ULK4: variants seen among roughly 807,000 people sequenced by gnomAD.
ULK4 encodes inactive serine/threonine-protein kinase ULK4.
Under a neutral mutation model 160.6 loss-of-function variants are expected in ULK4, and 133 were observed. The ratio of observed to expected loss-of-function variants is 0.83; its 90% CI spans 0.72 to 0.96. ULK4 has a LOEUF of 0.96. ULK4 is among the 40% of genes least tolerant of loss of function. The pLI, the probability that ULK4 is intolerant of heterozygous loss-of-function variation, is 0.00. For synonymous variants in ULK4, 534 were observed against 539.8 expected (o/e 0.99, Z 0.15); for missense variants, 1,580 against 1,499.5 (o/e 1.05, Z -0.89).
At chr3:41,247,117 GGAAGCA>G in intron 36 of ULK4, 125 bp from the exon 37 acceptor site, 1 of 914,636 alleles carries the variant, frequency 1.1e-6, no homozygotes, top group East Asian at 2.7e-5. Context: ...CATCCTCTTG[GGAAGCA>G]GAAGCAGGAA....
chr3:41,362,485 C>T (rs778717884), intron 35 of ULK4, among the ~76,000 whole-genome samples: 6 of 152,170 alleles, frequency 3.9e-5, no homozygotes, highest in Non-Finnish European at 7.4e-5. Context: ...ATACAGTATA[C>T]ATGTATCATA....
At chr3:41,723,492 AT>A (rs1372469400) in intron 22 of ULK4, among the ~76,000 whole-genome samples, 2 of 152,084 alleles carry the variant, frequency 1.3e-5, no homozygotes, top group African/African-American at 4.8e-5. Context: ...ATCTAATTTC[AT>A]TGTTTTTCCA....
chr3:41,731,986 A>G (rs943344368), intron 22 of ULK4, among the ~76,000 whole-genome samples: 1 of 152,146 alleles, frequency 6.6e-6, no homozygotes, highest in Non-Finnish European at 1.5e-5. Context: ...ATCAAGTCAA[A>G]ATGGACTGAA....
chr3:41,530,342 G>A (rs1024535448), intron 32 of ULK4, among the ~76,000 whole-genome samples: 29 of 152,292 alleles, frequency 1.9e-4, no homozygotes, highest in Admixed American at 5.9e-4. Flanking sequence ...AAACTGAGAC[G>A]AAATGTCCGG....
chr3:41,767,369 T>C (rs1193600753), intron 21 of ULK4, among the ~76,000 whole-genome samples: 1 of 151,776 alleles, frequency 6.6e-6, no homozygotes. Flanking sequence ...TAAAATACTT[T>C]TTGCTTTTTT....
intron 31 of ULK4, among the ~76,000 whole-genome samples, chr3:41,581,481 T>C (rs1467644447): frequency 6.6e-6 from 1 of 152,152 alleles, no homozygotes; most frequent in African/African-American, 2.4e-5. Flanking sequence ...ATGTGAACAA[T>C]TTGTTGGTTT....
intron 34 of ULK4, among the ~76,000 whole-genome samples, chr3:41,424,273 TG>T (rs1316765859): frequency 1.3e-5 from 2 of 152,176 alleles, no homozygotes; most frequent in African/African-American, 4.8e-5. Context: ...CTGATCTCCC[TG>T]GGACTGAGCC....
intron 17 of ULK4, among the ~76,000 whole-genome samples, chr3:41,877,533 G>C (rs1329283272): frequency 6.6e-6 from 1 of 151,862 alleles, no homozygotes; most frequent in East Asian, 1.9e-4. Context: ...TGCCATGTTG[G>C]CCAAGCTGGT....
intron 31 of ULK4, among the ~76,000 whole-genome samples, chr3:41,576,962 T>C (rs552793223): frequency 6.6e-6 from 1 of 152,262 alleles, no homozygotes; most frequent in East Asian, 1.9e-4. Flanking sequence ...TGAAAATAAA[T>C]GGAAAGATTA....
At chr3:41,550,243 A>G (rs769025876) in intron 32 of ULK4, among the ~76,000 whole-genome samples, 4 of 152,080 alleles carry the variant, frequency 2.6e-5, no homozygotes, top group Non-Finnish European at 4.4e-5. Context: ...GATATGCAAA[A>G]CAACCAGAAG....
chr3:41,803,474 GCTTT>G (rs1202309218), intron 19 of ULK4, among the ~76,000 whole-genome samples: 2 of 151,948 alleles, frequency 1.3e-5, no homozygotes, highest in East Asian at 3.9e-4. Context: ...AGTAGGCAAA[GCTTT>G]CTTTTTTATT....
intron 32 of ULK4, among the ~76,000 whole-genome samples, chr3:41,501,359 A>G (rs2085199444): frequency 2.0e-5 from 3 of 152,132 alleles, no homozygotes; most frequent in African/African-American, 4.8e-5. Context: ...TTAGCCAGGC[A>G]TGGTGGCAGA....
intron 27 of ULK4, among the ~76,000 whole-genome samples, chr3:41,690,359 T>C (rs9883567): frequency 0.17 from 25,640 of 151,040 alleles, 5,579 homozygotes; most frequent in African/African-American, 0.51. Flanking sequence ...AGTTAATGGG[T>C]GCAGCACACC....
intron 32 of ULK4, among the ~76,000 whole-genome samples, chr3:41,477,800 G>A (rs2084190539): frequency 6.6e-6 from 1 of 152,184 alleles, no homozygotes; most frequent in Non-Finnish European, 1.5e-5. Context: ...TCTGGCCAAA[G>A]GTTAACAAGC....
chr3:41,686,352 G>A (rs755943861), intron 27 of ULK4, among the ~76,000 whole-genome samples: 1 of 152,194 alleles, frequency 6.6e-6, no homozygotes, highest in African/African-American at 2.4e-5. Context: ...GGGTTTCTTG[G>A]AAGAGGAAGG....
chr3:41,741,793 AG>A (rs1439160927), intron 22 of ULK4, among the ~76,000 whole-genome samples: 1 of 151,904 alleles, frequency 6.6e-6, no homozygotes, highest in Admixed American at 6.5e-5. Flanking sequence ...GCCAAGATGG[AG>A]TAGGATCAAA....
chr3:41,495,070 GA>G (rs1439424007), intron 32 of ULK4, among the ~76,000 whole-genome samples: 1 of 151,978 alleles, frequency 6.6e-6, no homozygotes, highest in African/African-American at 2.4e-5. Context: ...CACAGAATTG[GA>G]AAAAACAACT....
intron 31 of ULK4, among the ~76,000 whole-genome samples, chr3:41,598,242 C>A (rs540743491): frequency 1.2e-4 from 18 of 152,266 alleles, no homozygotes; most frequent in African/African-American, 3.9e-4. Flanking sequence ...CAGTCATCTA[C>A]CTAAAACACC....
chr3:41,329,208 C>T (rs1412665754), intron 35 of ULK4, among the ~76,000 whole-genome samples: 1 of 152,180 alleles, frequency 6.6e-6, no homozygotes, highest in African/African-American at 2.4e-5. Context: ...CAAGTTGCTG[C>T]AACGTATCAA....
Sources: gnomAD v4.1 joint callset for allele counts (sites outside exome capture counted in the v4.1 genomes callset) on GRCh38, gnomAD v4.1.1 for gene constraint, MANE v1.5 for transcripts, NCBI Gene and HGNC (gene_info 2026-07-23, HGNC 2026-07-21) for gene names.